The following ZNRF3 variants were observed in gnomAD, a reference collection of about 807,000 sequenced individuals.
ZNRF3 encodes E3 ubiquitin-protein ligase ZNRF3.
ZNRF3 carries 23 observed loss-of-function variants against 72.5 expected under a neutral mutation model. The ratio of observed to expected loss-of-function variants is 0.32; its 90% CI spans 0.23 to 0.45. ZNRF3 has a LOEUF of 0.45. Ranked by LOEUF, ZNRF3 falls within the 20% of genes least tolerant of loss-of-function variation. The pLI, the probability that ZNRF3 is intolerant of heterozygous loss-of-function variation, is 1.00. For missense variants in ZNRF3, 1,169 were observed against 1,272.1 expected (o/e 0.92, Z 1.23); for synonymous variants, 610 against 545.3 (o/e 1.12, Z -1.65).
chr22:28,886,696 C>A (rs187320440), intron 1 of ZNRF3, among the ~76,000 whole-genome samples: 6 of 152,104 alleles, frequency 3.9e-5, no homozygotes, highest in Admixed American at 2.6e-4. Flanking sequence ...TGGTGACTGA[C>A]GCCTGTAGTC....
chr22:28,976,490 A>G (rs931871719), intron 1 of ZNRF3, among the ~76,000 whole-genome samples: 1 of 152,198 alleles, frequency 6.6e-6, no homozygotes, highest in Non-Finnish European at 1.5e-5. Flanking sequence ...TGGGTGACAA[A>G]GTGAGACCCC....
intron 2 of ZNRF3, among the ~76,000 whole-genome samples, chr22:28,996,133 C>T (rs2036042464): frequency 1.3e-5 from 2 of 151,870 alleles, no homozygotes; most frequent in Admixed American, 6.6e-5. Flanking sequence ...GAGGCAGGGT[C>T]TTACTATGTT....
intron 2 of ZNRF3, among the ~76,000 whole-genome samples, chr22:29,040,034 A>G (rs1387787981): frequency 6.6e-6 from 1 of 152,164 alleles, no homozygotes; most frequent in Non-Finnish European, 1.5e-5. Context: ...CTGTGTCATC[A>G]GCATCCTCTC....
At chr22:28,965,677 G>A (rs909249078) in intron 1 of ZNRF3, among the ~76,000 whole-genome samples, 1 of 152,208 alleles carries the variant, frequency 6.6e-6, no homozygotes, top group African/African-American at 2.4e-5. Context: ...GGCTGGCAGG[G>A]ATCTAGATAG....
chr22:28,926,987 G>A (rs1449522422), intron 1 of ZNRF3, among the ~76,000 whole-genome samples: 1 of 150,236 alleles, frequency 6.7e-6, no homozygotes, highest in Non-Finnish European at 1.5e-5. Flanking sequence ...CTGGGTGTGG[G>A]CACATGCCTG....
chr22:28,886,885 G>A (rs2123740455), intron 1 of ZNRF3, among the ~76,000 whole-genome samples: 1 of 152,244 alleles, frequency 6.6e-6, no homozygotes, highest in South Asian at 2.1e-4. Context: ...GAGCCTGGGA[G>A]GCTGAGGTTG....
At chr22:28,885,742 G>T (rs2033773942) in intron 1 of ZNRF3, among the ~76,000 whole-genome samples, 1 of 152,116 alleles carries the variant, frequency 6.6e-6, no homozygotes, top group African/African-American at 2.4e-5. Flanking sequence ...TCCATTATGA[G>T]GAGTGTTATG....
intron 1 of ZNRF3, among the ~76,000 whole-genome samples, chr22:28,955,333 C>T (rs1421433225): frequency 1.3e-5 from 2 of 152,114 alleles, no homozygotes; most frequent in African/African-American, 4.8e-5. Flanking sequence ...GGGGATGAGC[C>T]ACCATGCTGA....
intron 1 of ZNRF3, among the ~76,000 whole-genome samples, chr22:28,951,485 A>G (rs769403922): frequency 4.6e-5 from 7 of 152,236 alleles, no homozygotes; most frequent in Non-Finnish European, 1.0e-4. Flanking sequence ...GACTGCCAGC[A>G]GCCCACCAGA....
intron 1 of ZNRF3, among the ~76,000 whole-genome samples, chr22:28,928,718 G>T (rs1264529474): frequency 6.6e-6 from 1 of 151,554 alleles, no homozygotes; most frequent in Non-Finnish European, 1.5e-5. Context: ...GGGTGGTCTC[G>T]ATCTCCTGAC....
At chr22:28,945,081 G>C (rs888913284) in intron 1 of ZNRF3, among the ~76,000 whole-genome samples, 1 of 151,554 alleles carries the variant, frequency 6.6e-6, no homozygotes, top group Admixed American at 6.6e-5. Flanking sequence ...ACTTTGGGAG[G>C]CTGAGGTGGG....
chr22:29,006,228 T>TTTC (rs1242520276), intron 2 of ZNRF3, among the ~76,000 whole-genome samples: 1 of 150,536 alleles, frequency 6.6e-6, no homozygotes, highest in East Asian at 2.0e-4. Context: ...TTTTTTTTTT[T>TTTC]TTTTGAGACA....
At chr22:28,951,972 C>T (rs1486884586) in intron 1 of ZNRF3, among the ~76,000 whole-genome samples, 1 of 152,222 alleles carries the variant, frequency 6.6e-6, no homozygotes, top group African/African-American at 2.4e-5. Context: ...CTGCTGGCCT[C>T]CACTTGCTCC....
intron 2 of ZNRF3, among the ~76,000 whole-genome samples, chr22:28,995,678 T>G (rs1242871242): frequency 6.6e-6 from 1 of 152,090 alleles, no homozygotes; most frequent in Non-Finnish European, 1.5e-5. Flanking sequence ...AAAATTACAG[T>G]GTAGGTGTTA....
chr22:28,939,390 GT>G (rs2034900483), intron 1 of ZNRF3, among the ~76,000 whole-genome samples: 2 of 151,838 alleles, frequency 1.3e-5, no homozygotes, highest in South Asian at 4.2e-4. Flanking sequence ...TAGTAAATAT[GT>G]ACATATAATG....
chr22:29,017,830 C>T (rs1433520733), intron 2 of ZNRF3, among the ~76,000 whole-genome samples: 1 of 152,148 alleles, frequency 6.6e-6, no homozygotes, highest in Non-Finnish European at 1.5e-5. Context: ...GAGGAGCTCA[C>T]ATAGAGGCTA....
intron 1 of ZNRF3, among the ~76,000 whole-genome samples, chr22:28,893,417 C>T (rs990868528): frequency 7.2e-5 from 11 of 151,888 alleles, no homozygotes; most frequent in South Asian, 2.1e-4. Flanking sequence ...CTGATTTATT[C>T]GAGAGTTTGA....
intron 1 of ZNRF3, among the ~76,000 whole-genome samples, chr22:28,933,975 A>G (rs2034773560): frequency 6.6e-6 from 1 of 151,876 alleles, no homozygotes; most frequent in African/African-American, 2.4e-5. Context: ...GACCTGATGT[A>G]TTAATGCTCT....
chr22:28,955,175 G>A (rs2035237515), intron 1 of ZNRF3, among the ~76,000 whole-genome samples: 1 of 150,858 alleles, frequency 6.6e-6, no homozygotes, highest in Admixed American at 6.6e-5. Flanking sequence ...GGAGTAGCTG[G>A]GTCTACAGGC....
Sources: gnomAD v4.1 joint callset for allele counts (sites outside exome capture counted in the v4.1 genomes callset) on GRCh38, gnomAD v4.1.1 for gene constraint, MANE v1.5 for transcripts, NCBI Gene and HGNC (gene_info 2026-07-23, HGNC 2026-07-21) for gene names.